The following RCAN2 variants were observed in gnomAD, a reference collection of about 807,000 sequenced individuals.
The protein encoded by RCAN2 is regulator of calcineurin 2.
In RCAN2, 9 loss-of-function variants were observed where a neutral mutation model predicts 23.6. The ratio of observed to expected loss-of-function variants is 0.38; its 90% CI spans 0.23 to 0.67. The LOEUF is 0.67. RCAN2 is among the 30% of genes least tolerant of loss of function. The pLI, the probability that RCAN2 is intolerant of heterozygous loss-of-function variation, is 0.51. For missense variants in RCAN2, 273 were observed against 302.3 expected, an observed-to-expected ratio of 0.90 and a Z score of 0.72; for synonymous variants, 109 against 115.7, an observed-to-expected ratio of 0.94 and a Z score of 0.37.
At chr6:46,235,611 C>T (rs933282815) in intron 4 of RCAN2, among the ~76,000 whole-genome samples, 3 of 152,206 alleles carry the variant, frequency 2.0e-5, no homozygotes, top group African/African-American at 7.2e-5. Context: ...TACCAGCTAT[C>T]ACGCTTCTTA....
At chr6:46,228,554 T>A (rs1229187056) in intron 4 of RCAN2, among the ~76,000 whole-genome samples, 2 of 152,218 alleles carry the variant, frequency 1.3e-5, no homozygotes, top group African/African-American at 4.8e-5. Flanking sequence ...CTTTTGGTCT[T>A]TGTTGGTTTA....
At chr6:46,451,859 A>C (rs1300534625) in intron 2 of RCAN2, among the ~76,000 whole-genome samples, 1 of 152,198 alleles carries the variant, frequency 6.6e-6, no homozygotes, top group East Asian at 1.9e-4. Context: ...ATTCTAGTAG[A>C]ATATACTCTT....
At chr6:46,396,076 T>C (rs193184113) in intron 2 of RCAN2, among the ~76,000 whole-genome samples, 131 of 152,354 alleles carry the variant, frequency 8.6e-4, no homozygotes, top group Non-Finnish European at 2.2e-4. Flanking sequence ...GTAGACGAAA[T>C]TCTGCGCCTT....
At position 46,221,479 on chromosome 6, in the gene RCAN2, C is replaced by G. The variant is rs186509798; in HGVS notation, c.*1662G>C. 1.3e-3 allele frequency: 202 copies of G among 153,974 alleles called. 1 individual carries two copies. The highest frequency in any genetic ancestry group is 6.5e-3 in the Middle Eastern group (2 of 306). The allele number at this position is 153,974 out of a possible 1,614,324, so 9.5% of individuals were successfully genotyped here. Reference sequence around the variant, plus strand: ...CAAAGCATATGCTTATTGTACACTCCTCAGATTTTATTTTTAAAAGGAGTT... The same window carrying G: ...CAAAGCATATGCTTATTGTACACTCGTCAGATTTTATTTTTAAAAGGAGTT... On this transcript the variant is annotated 3_prime_UTR_variant, in exon 5 of 5. Coordinates refer to ENST00000371374, the MANE Select transcript of RCAN2 (RefSeq NM_001251974.2).
intron 2 of RCAN2, among the ~76,000 whole-genome samples, chr6:46,450,681 G>A (rs558831393): frequency 6.6e-6 from 1 of 151,942 alleles, no homozygotes; most frequent in African/African-American, 2.4e-5. Context: ...AAATAAGCCA[G>A]GTACAGAAAG....
At chr6:46,284,727 A>G in intron 2 of RCAN2, among the ~76,000 whole-genome samples, 1 of 152,202 alleles carries the variant, frequency 6.6e-6, no homozygotes, top group East Asian at 1.9e-4. Context: ...CACAGCCTAT[A>G]TCATTTCAGG....
intron 2 of RCAN2, among the ~76,000 whole-genome samples, chr6:46,265,556 C>T (rs1767294797): frequency 6.6e-6 from 1 of 152,128 alleles, no homozygotes; most frequent in African/African-American, 2.4e-5. Flanking sequence ...GACTTCAGGA[C>T]TGTCTTGGGC....
At chr6:46,304,414 T>C (rs1439226411) in intron 2 of RCAN2, among the ~76,000 whole-genome samples, 1 of 152,100 alleles carries the variant, frequency 6.6e-6, no homozygotes, top group East Asian at 1.9e-4. Flanking sequence ...TGATTAGGAG[T>C]TCTTAATTTT....
intron 2 of RCAN2, among the ~76,000 whole-genome samples, chr6:46,412,538 G>C (rs1040534276): frequency 6.6e-6 from 1 of 152,162 alleles, no homozygotes; most frequent in Non-Finnish European, 1.5e-5. Flanking sequence ...TCCAAATTTA[G>C]CAGAGGAAAA....
At chr6:46,260,820 A>G (rs1273988295) in intron 2 of RCAN2, among the ~76,000 whole-genome samples, 1 of 152,198 alleles carries the variant, frequency 6.6e-6, no homozygotes, top group East Asian at 1.9e-4. Flanking sequence ...GCTCTCCCAC[A>G]TGTCCCCAGG....
At chr6:46,336,618 A>G (rs1380775124) in intron 2 of RCAN2, among the ~76,000 whole-genome samples, 3 of 152,180 alleles carry the variant, frequency 2.0e-5, no homozygotes, top group Non-Finnish European at 4.4e-5. Flanking sequence ...ATTGGAAAGG[A>G]GGGTCATGGC....
intron 1 of RCAN2, among the ~76,000 whole-genome samples, chr6:46,461,195 C>G (rs1768194691): frequency 6.6e-6 from 1 of 152,000 alleles, no homozygotes; most frequent in Admixed American, 6.5e-5. Flanking sequence ...AATTTTTAAA[C>G]AAAATGGGGG....
intron 2 of RCAN2, among the ~76,000 whole-genome samples, chr6:46,282,340 T>C (rs1762210268): frequency 6.7e-6 from 1 of 148,686 alleles, no homozygotes; most frequent in Admixed American, 6.6e-5. Flanking sequence ...GATCGGGAGA[T>C]CGAGACCATC....
At chr6:46,249,028 T>C in intron 2 of RCAN2, 132 bp from the exon 3 acceptor site, 3 of 596,856 alleles carry the variant, frequency 5.0e-6, no homozygotes, top group Non-Finnish European at 8.2e-6. Context: ...ACACCAGTAA[T>C]GTATTTTTTT....
intron 2 of RCAN2, among the ~76,000 whole-genome samples, chr6:46,321,332 G>T (rs77338954): frequency 6.6e-6 from 1 of 152,134 alleles, no homozygotes; most frequent in Non-Finnish European, 1.5e-5. Flanking sequence ...TATATGCTCC[G>T]TGAGGGCAGG....
intron 4 of RCAN2, among the ~76,000 whole-genome samples, 161 bp from the exon 5 acceptor site, chr6:46,223,462 C>A (rs1765548724): frequency 6.6e-6 from 1 of 152,072 alleles, no homozygotes; most frequent in African/African-American, 2.4e-5. Flanking sequence ...GGAAAGAGAT[C>A]AATTTCCTCC....
At chr6:46,384,057 C>T (rs537915208) in intron 2 of RCAN2, among the ~76,000 whole-genome samples, 4 of 152,200 alleles carry the variant, frequency 2.6e-5, no homozygotes, top group Non-Finnish European at 5.9e-5. Context: ...GGATCCCGCG[C>T]AGTAGCTGCA....
At chr6:46,439,957 G>C (rs1018559651) in intron 2 of RCAN2, among the ~76,000 whole-genome samples, 3 of 152,190 alleles carry the variant, frequency 2.0e-5, no homozygotes, top group Non-Finnish European at 2.9e-5. Context: ...CTGCACAATG[G>C]TAAGTTTTAA....
intron 2 of RCAN2, among the ~76,000 whole-genome samples, chr6:46,313,787 G>A (rs1479016015): frequency 2.0e-5 from 3 of 152,170 alleles, no homozygotes; most frequent in Non-Finnish European, 4.4e-5. Flanking sequence ...GTGTTATGAG[G>A]CAACATTCAT....
Sources: gnomAD v4.1 joint callset for allele counts (sites outside exome capture counted in the v4.1 genomes callset) on GRCh38, gnomAD v4.1.1 for gene constraint, MANE v1.5 for transcripts, NCBI Gene and HGNC (gene_info 2026-07-23, HGNC 2026-07-21) for gene names.